MECOM: variants seen among roughly 807,000 people sequenced by gnomAD.
The protein encoded by MECOM is MDS1 and EVI1 complex locus.
Under a neutral mutation model 116.3 loss-of-function variants are expected in MECOM, and 13 were observed. The ratio of observed to expected loss-of-function variants is 0.11; its 90% confidence interval spans 0.07 to 0.18. The LOEUF (loss-of-function observed/expected upper bound fraction) is 0.18, where lower values mean the gene tolerates loss of function less well. MECOM is among the 10% of genes least tolerant of loss of function. The probability of loss-of-function intolerance (pLI) is 1.00; values close to 1 mark genes in which losing one functional copy is unlikely to be tolerated. For missense variants in MECOM, 1,299 were observed against 1,509.0 expected (o/e 0.86, Z 2.31); for synonymous variants, 528 against 535.2 (o/e 0.99, Z 0.19).
In MECOM at chr3:169,120,941, A is replaced by G. The variant is rs189534545; in HGVS notation, c.1132+115T>C. On this transcript the variant is annotated intron_variant, in intron 7 of 16. Transcript: ENST00000651503. ...ATAAATAGCCCTACTGGATTGGACC[A>G]TAAATAGCTAACACGGTGACCCTCT... 7 of 1,081,766 alleles carry G rather than the reference A, an allele frequency of 6.5e-6. No individual in the cohort carries two copies. The East Asian group carries it at 1.8e-4, about 28-fold the overall frequency. The allele number at this position is 1,081,766 out of a possible 1,614,324, so 67.0% of individuals were successfully genotyped here. A position where few individuals can be genotyped will look rare whatever the true frequency, so the allele number is the denominator to read the frequency against.
rs572713998 is a variant in MECOM at position 169,379,957 on chromosome 3, A to G, written c.375+1230T>C. Among the ~76,000 whole-genome samples, 4 of 152,280 alleles carry G rather than the reference A, an allele frequency of 2.6e-5. No homozygotes were observed. The South Asian group carries it at 6.2e-4, about 24-fold the overall frequency. ...GCTAAACCTCAGCTTTACTGGGGCT[A>G]TGGTTAAGAATGAAACTAAGGAAGG... On this transcript the variant is annotated intron_variant, in intron 2 of 16. Transcript: ENST00000651503.
intron 1 of MECOM, among the ~76,000 whole-genome samples, chr3:169,447,527 T>G (rs1291281869): frequency 6.6e-6 from 1 of 152,224 alleles, no homozygotes; most frequent in Non-Finnish European, 1.5e-5. Context: ...GTTTACAAAG[T>G]ACCTTTATAA....
At chr3:169,099,113 G>GAAAA (rs534383915) in intron 12 of MECOM, among the ~76,000 whole-genome samples, 1 of 100,110 alleles carries the variant, frequency 1.0e-5, no homozygotes. Flanking sequence ...CTTCTGCAAG[G>GAAAA]AAAAAAAAAA....
At chr3:169,578,296 T>C (rs755861844) in intron 1 of MECOM, among the ~76,000 whole-genome samples, 13 of 152,218 alleles carry the variant, frequency 8.5e-5, no homozygotes, top group Non-Finnish European at 1.9e-4. Flanking sequence ...CCAGGACTTC[T>C]TCAGTGATAC....
chr3:169,479,163 G>A (rs2108840107), intron 1 of MECOM, among the ~76,000 whole-genome samples: 1 of 152,182 alleles, frequency 6.6e-6, no homozygotes, highest in Middle Eastern at 3.4e-3. Context: ...GAGGAATGCT[G>A]GAAAAGCTTT....
intron 1 of MECOM, among the ~76,000 whole-genome samples, chr3:169,579,355 G>A (rs367950901): frequency 6.0e-4 from 91 of 152,196 alleles, no homozygotes; most frequent in East Asian, 3.9e-3. Context: ...AGACAATACC[G>A]CTTTCTCTGC....
rs1255613781 is a variant in MECOM at position 169,594,174 on chromosome 3, A to AAAAAAAAAAAAAAAAAAC, written c.37+69161_37+69162insGTTTTTTTTTTTTTTTTT. Among the ~76,000 whole-genome samples, 62 of 125,968 alleles carry AAAAAAAAAAAAAAAAAAC rather than the reference A, an allele frequency of 4.9e-4. 5 individuals are homozygous for AAAAAAAAAAAAAAAAAAC. Among genetic ancestry groups the AAAAAAAAAAAAAAAAAAC allele is most frequent in the African/African-American group, 9.6e-4 (30 of 31,110 alleles). 82.6% of individuals were successfully genotyped at this position (125,968 alleles called of 152,430 possible). ...CACCACAAAAAAAAAAAAAAAAAAA[A>AAAAAAAAAAAAAAAAAAC]AACACCTTTTCACCTAAGTACCTCA... On this transcript the variant is annotated intron_variant, in intron 1 of 16. Transcript: ENST00000651503.
intron 1 of MECOM, among the ~76,000 whole-genome samples, chr3:169,652,848 G>A (rs984458333): frequency 5.3e-5 from 8 of 152,156 alleles, no homozygotes; most frequent in Non-Finnish European, 7.4e-5. Context: ...CTACATTGGT[G>A]TTAGGATTTA....
At chr3:169,340,685 A>C (rs922859414) in intron 2 of MECOM, among the ~76,000 whole-genome samples, 1 of 152,216 alleles carries the variant, frequency 6.6e-6, no homozygotes, top group Non-Finnish European at 1.5e-5. Context: ...CACAATTAAA[A>C]TGTTTTAAAA....
Position 169,618,297 on chromosome 3 carries a change from C to T in MECOM, c.37+45039G>A, listed in dbSNP as rs542270620. 2.2e-4 allele frequency among the ~76,000 whole-genome samples: 33 copies of T among 152,312 alleles called. No individual in the cohort carries two copies. The East Asian group carries it at 6.0e-3, about 28-fold the overall frequency. ...TCCCACTAGCCCTTCATATCTCAAC[C>T]AGATTATATTTCATAATGGCCCAGT... On this transcript the variant is annotated intron_variant, in intron 1 of 16. Transcript: ENST00000651503.
intron 6 of MECOM, among the ~76,000 whole-genome samples, chr3:169,121,997 T>A (rs1158812607): frequency 6.6e-6 from 1 of 152,108 alleles, no homozygotes; most frequent in African/African-American, 2.4e-5. Context: ...AAACATGAAA[T>A]TAAAAGAAGT....
chr3:169,502,875 G>A (rs1411091735), intron 1 of MECOM, among the ~76,000 whole-genome samples: 1 of 152,090 alleles, frequency 6.6e-6, no homozygotes, highest in Non-Finnish European at 1.5e-5. Context: ...TAAACCATAT[G>A]CTTCATATAT....
chr3:169,612,484 T>C (rs993605308), intron 1 of MECOM, among the ~76,000 whole-genome samples: 1 of 152,134 alleles, frequency 6.6e-6, no homozygotes, highest in African/African-American at 2.4e-5. Context: ...TTTGTCTTGT[T>C]TTTTCTTTTT....
intron 2 of MECOM, chr3:169,146,810 A>G (rs1740079821): frequency 1.8e-6 from 2 of 1,099,086 alleles, no homozygotes; most frequent in African/African-American, 3.3e-5. Flanking sequence ...GCAGCCCCCA[A>G]CGCTCCTGCA....
intron 1 of MECOM, among the ~76,000 whole-genome samples, chr3:169,429,774 A>C (rs1741303601): frequency 6.6e-6 from 1 of 152,146 alleles, no homozygotes; most frequent in South Asian, 2.1e-4. Context: ...TTATTGGCCA[A>C]ATAGAGTCAA....
At chr3:169,476,668 T>C (rs1237937739) in intron 1 of MECOM, among the ~76,000 whole-genome samples, 2 of 152,084 alleles carry the variant, frequency 1.3e-5, no homozygotes, top group African/African-American at 2.4e-5. Context: ...CTGCAAGTAA[T>C]CTTTTTTTTC....
chr3:169,592,380 G>A (rs1416207167), intron 1 of MECOM, among the ~76,000 whole-genome samples: 1 of 152,104 alleles, frequency 6.6e-6, no homozygotes, highest in Non-Finnish European at 1.5e-5. Context: ...CAGCCTACTT[G>A]GCCAACATTA....
chr3:169,143,551 CATTTTACTT>C, intron 3 of MECOM, 138 bp downstream of exon 3: 1 of 682,506 alleles, frequency 1.5e-6, no homozygotes, highest in Non-Finnish European at 2.2e-6. Context: ...ATTTGTTCTG[CATTTTACTT>C]ATATTTGTGC....
chr3:169,429,287 C>T (rs769654212), intron 1 of MECOM, among the ~76,000 whole-genome samples: 11 of 152,090 alleles, frequency 7.2e-5, no homozygotes, highest in Non-Finnish European at 8.8e-5. Flanking sequence ...ATAGGTGTTA[C>T]GTGTGTGGGT....
Sources: gnomAD v4.1 joint callset for allele counts (sites outside exome capture counted in the v4.1 genomes callset) on GRCh38, gnomAD v4.1.1 for gene constraint, MANE v1.5 for transcripts, NCBI Gene and HGNC (gene_info 2026-07-23, HGNC 2026-07-21) for gene names.